NCOA2: variants seen among roughly 807,000 people sequenced by gnomAD.
NCOA2 encodes the protein nuclear receptor coactivator 2, also known as class E basic helix-loop-helix protein 75.
Under a neutral mutation model 145.1 loss-of-function variants are expected in NCOA2, and 21 were observed. The ratio of observed to expected loss-of-function variants is 0.14; its 90% CI spans 0.10 to 0.21. The LOEUF (loss-of-function observed/expected upper bound fraction) is 0.21. NCOA2 is among the 10% of genes least tolerant of loss of function. The probability of loss-of-function intolerance (pLI) is 1.00; values close to 1 mark genes in which losing one functional copy is unlikely to be tolerated. For synonymous variants in NCOA2, 619 were observed against 637.5 expected (o/e 0.97, Z 0.44); for missense variants, 1,472 against 1,837.6 (o/e 0.80, Z 3.64).
At chr8:70,442,257 C>G in the NCOA2 span, among the ~76,000 whole-genome samples, 4 of 152,226 alleles carry the variant, frequency 2.6e-5, no homozygotes, top group East Asian at 5.8e-4. Context: ...AGTTGGCACG[C>G]GCTGGCCTAG....
chr8:70,296,332 C>T (rs1195815272), intron 2 of NCOA2, among the ~76,000 whole-genome samples: 2 of 152,220 alleles, frequency 1.3e-5, no homozygotes, highest in African/African-American at 4.8e-5. Flanking sequence ...CTGAGATTTG[C>T]TGCTAAAATC....
intron 2 of NCOA2, among the ~76,000 whole-genome samples, chr8:70,223,246 AAATTC>A (rs1820321523): frequency 6.6e-6 from 1 of 152,224 alleles, no homozygotes; most frequent in Non-Finnish European, 1.5e-5. Flanking sequence ...GTCCAGACTA[AAATTC>A]AATTATCTTT....
At chr8:70,455,498 A>C in the NCOA2 span, among the ~76,000 whole-genome samples, 1 of 152,184 alleles carries the variant, frequency 6.6e-6, no homozygotes, top group Non-Finnish European at 1.5e-5. Context: ...CTATGGGAAG[A>C]ACCTTAAAAT....
the NCOA2 span, among the ~76,000 whole-genome samples, chr8:70,455,547 G>A: frequency 5.3e-5 from 8 of 152,058 alleles, no homozygotes; most frequent in African/African-American, 1.9e-4. Context: ...TACTCTAAGT[G>A]TTGTTTATTG....
chr8:70,138,623 T>C (rs1810017837), intron 14 of NCOA2, among the ~76,000 whole-genome samples: 1 of 152,248 alleles, frequency 6.6e-6, no homozygotes, highest in Admixed American at 6.5e-5. Context: ...TGATATTTAC[T>C]GTACTGGAAA....
At chr8:70,421,936 A>T in the NCOA2 span, among the ~76,000 whole-genome samples, 1 of 152,010 alleles carries the variant, frequency 6.6e-6, no homozygotes, top group African/African-American at 2.4e-5. Flanking sequence ...CTCTACTAAA[A>T]ATACAAAAAT....
At chr8:70,201,377 C>T (rs1817869226) in intron 4 of NCOA2, among the ~76,000 whole-genome samples, 1 of 152,146 alleles carries the variant, frequency 6.6e-6, no homozygotes, top group Non-Finnish European at 1.5e-5. Flanking sequence ...ATCTCCAAGT[C>T]CAGAACTGCA....
At position 70,129,068 on chromosome 8, in the gene NCOA2, T is replaced by C. The variant is rs369369934; in HGVS notation, c.3325-88A>G. On this transcript the variant is annotated intron_variant, in intron 16 of 22. Coordinates refer to ENST00000452400, the MANE Select transcript of NCOA2 (RefSeq NM_006540.4). ...AAGGCTGTTTTCTCTCACTATCATATATTTGAAGCTTTTTATACTTTTTAA... is the reference window on the plus strand; with the variant it reads ...AAGGCTGTTTTCTCTCACTATCATACATTTGAAGCTTTTTATACTTTTTAA... The C allele has an allele frequency of 2.3e-5, 29 of 1,263,686 alleles. No homozygotes were observed. In the African/African-American group the frequency reaches 2.7e-4, roughly 12 times the overall value. The allele number at this position is 1,263,686 out of a possible 1,614,324, so 78.3% of individuals were successfully genotyped here.
At chr8:70,420,549 T>C in the NCOA2 span, among the ~76,000 whole-genome samples, 1 of 152,196 alleles carries the variant, frequency 6.6e-6, no homozygotes, top group Non-Finnish European at 1.5e-5. Flanking sequence ...GCAAAGAAGT[T>C]CTTTGCTGTG....
At chr8:70,302,566 G>GA (rs1355108558) in intron 1 of NCOA2, among the ~76,000 whole-genome samples, 1 of 152,122 alleles carries the variant, frequency 6.6e-6, no homozygotes, top group Non-Finnish European at 1.5e-5. Context: ...ATAACTTACA[G>GA]GTAAACATTA....
intron 1 of NCOA2, among the ~76,000 whole-genome samples, chr8:70,401,035 GA>G (rs1390632484): frequency 6.6e-6 from 1 of 152,104 alleles, no homozygotes; most frequent in Non-Finnish European, 1.5e-5. Flanking sequence ...TTCCAGGTGA[GA>G]AAGGGAGCAT....
intron 2 of NCOA2, among the ~76,000 whole-genome samples, chr8:70,236,085 T>C (rs1821580280): frequency 1.3e-5 from 2 of 152,166 alleles, no homozygotes; most frequent in African/African-American, 4.8e-5. Context: ...ATGTGTAAGA[T>C]GTCAATCCAC....
intron 1 of NCOA2, among the ~76,000 whole-genome samples, chr8:70,364,159 A>G (rs1341534995): frequency 2.0e-5 from 3 of 152,166 alleles, no homozygotes; most frequent in Non-Finnish European, 4.4e-5. Flanking sequence ...CAGGAAGAAT[A>G]TGGAGAGGAA....
At chr8:70,119,387 A>C (rs187281383) in intron 22 of NCOA2, among the ~76,000 whole-genome samples, 17 of 152,266 alleles carry the variant, frequency 1.1e-4, no homozygotes, top group Non-Finnish European at 1.8e-4. Context: ...AAATGACATG[A>C]TTTCATTTTT....
At chr8:70,442,106 GAGAA>G in the NCOA2 span, among the ~76,000 whole-genome samples, 5 of 65,734 alleles carry the variant, frequency 7.6e-5, no homozygotes, top group African/African-American at 2.9e-4. Flanking sequence ...AGAAGAAACA[GAGAA>G]AGAAAGAAGA....
chr8:70,341,081 T>TAAAAAA (rs1563782941), intron 1 of NCOA2, among the ~76,000 whole-genome samples: 10 of 95,996 alleles, frequency 1.0e-4, no homozygotes, highest in African/African-American at 4.8e-4. Context: ...CTTAAAAAGT[T>TAAAAAA]GAAAAAAAAA....
chr8:70,146,468 TAAAAGA>T (rs1811077332), intron 12 of NCOA2, among the ~76,000 whole-genome samples: 1 of 152,184 alleles, frequency 6.6e-6, no homozygotes, highest in Non-Finnish European at 1.5e-5. Flanking sequence ...ATAGCACATT[TAAAAGA>T]AAAAGTTCTT....
At chr8:70,450,703 C>T in the NCOA2 span, among the ~76,000 whole-genome samples, 1 of 150,318 alleles carries the variant, frequency 6.7e-6, no homozygotes, top group East Asian at 2.0e-4. Context: ...CCTCAGCCTC[C>T]TGAGTAGCTG....
intron 1 of NCOA2, among the ~76,000 whole-genome samples, chr8:70,316,034 A>G (rs1016502546): frequency 6.6e-6 from 1 of 152,244 alleles, no homozygotes; most frequent in Non-Finnish European, 1.5e-5. Flanking sequence ...AGCCTCTTCC[A>G]TTAATGATGA....
Sources: gnomAD v4.1 joint callset for allele counts (sites outside exome capture counted in the v4.1 genomes callset) on GRCh38, gnomAD v4.1.1 for gene constraint, MANE v1.5 for transcripts, NCBI Gene and HGNC (gene_info 2026-07-23, HGNC 2026-07-21) for gene names.